LRP1B: variants seen among roughly 807,000 people sequenced by gnomAD.
LRP1B encodes LDL receptor related protein 1B.
LRP1B carries 217 observed loss-of-function variants against 556.6 expected under a neutral mutation model. The ratio of observed to expected loss-of-function variants is 0.39; its 90% CI spans 0.35 to 0.44. The LOEUF is 0.44. LRP1B is among the 20% of genes least tolerant of loss of function. LRP1B has a pLI of 1.00. For missense variants in LRP1B, 5,053 were observed against 5,620.8 expected, an observed-to-expected ratio of 0.90 and a Z score of 3.23; for synonymous variants, 2,047 against 1,865.8, an observed-to-expected ratio of 1.10 and a Z score of -2.50.
At chr2:140,519,741 C>T (rs1690075222) in intron 49 of LRP1B, among the ~76,000 whole-genome samples, 1 of 152,076 alleles carries the variant, frequency 6.6e-6, no homozygotes, top group African/African-American at 2.4e-5. Context: ...CCAGAATCTA[C>T]AAAGAACTCA....
In LRP1B at chr2:140,664,003, A is replaced by C. The variant is rs200051590; in HGVS notation, c.6799+36247T>G. 2.0e-5 allele frequency among the ~76,000 whole-genome samples: 3 copies of C among 152,134 alleles called. No individual in the cohort carries two copies. In the East Asian group the frequency reaches 5.8e-4, roughly 29 times the overall value. ...GAGGCCTGAAGACAGGGAAAGACAC[A>C]GGGAAGGACCGGCTGGTGGACCAAT... On this transcript the variant is annotated intron_variant, in intron 41 of 90. Transcript: ENST00000389484.
At chr2:140,731,809 A>G (rs1397880372) in intron 35 of LRP1B, among the ~76,000 whole-genome samples, 1 of 150,154 alleles carries the variant, frequency 6.7e-6, no homozygotes, top group African/African-American at 2.4e-5. Context: ...AACAATAGGC[A>G]TTTATTAAAC....
chr2:141,526,912 GT>G (rs1194152041), intron 2 of LRP1B, among the ~76,000 whole-genome samples: 1 of 151,974 alleles, frequency 6.6e-6, no homozygotes, highest in Non-Finnish European at 1.5e-5. Context: ...TACATTTTTG[GT>G]TTTTGAAAGG....
At chr2:141,525,544 T>G (rs1684668099) in intron 2 of LRP1B, among the ~76,000 whole-genome samples, 1 of 152,022 alleles carries the variant, frequency 6.6e-6, no homozygotes, top group East Asian at 1.9e-4. Context: ...TGTAAGACAC[T>G]CAGGGAACTT....
At chr2:140,671,249 G>A (rs1339428941) in intron 41 of LRP1B, among the ~76,000 whole-genome samples, 1 of 152,274 alleles carries the variant, frequency 6.6e-6, no homozygotes, top group East Asian at 1.9e-4. Flanking sequence ...GGCCGGGCGC[G>A]GTGGCTCACG....
intron 11 of LRP1B, among the ~76,000 whole-genome samples, chr2:141,034,540 G>A (rs1168932992): frequency 6.6e-6 from 1 of 152,010 alleles, no homozygotes; most frequent in African/African-American, 2.4e-5. Context: ...TCAAAAAGTG[G>A]GCGAAGGATA....
chr2:140,675,612 G>T (rs971312708), intron 41 of LRP1B, among the ~76,000 whole-genome samples: 1 of 151,852 alleles, frequency 6.6e-6, no homozygotes, highest in Admixed American at 6.6e-5. Flanking sequence ...CTCTACAAAA[G>T]TTAAAAAAAC....
At position 141,440,395 on chromosome 2, in the gene LRP1B, G is replaced by C. The variant is rs188410168; in HGVS notation, c.343+40001C>G. Among the ~76,000 whole-genome samples the C allele has an allele frequency of 5.3e-3, 809 of 152,312 alleles. 29 individuals are homozygous for C. Among genetic ancestry groups the C allele is most frequent in the Admixed American group, 0.05 (767 of 15,292 alleles). On this transcript the variant is annotated intron_variant, in intron 3 of 90. Transcript: ENST00000389484. ...TGAACTCCTAGTTGAAAATGGCCAC[G>C]CCCTGCCCTGCCCTGCGGACCGCAG...
At chr2:141,105,856 A>G (rs79929612) in intron 7 of LRP1B, among the ~76,000 whole-genome samples, 3,569 of 152,246 alleles carry the variant, frequency 0.023, 81 homozygotes, top group Non-Finnish European at 0.034. Context: ...GCATTTGTAT[A>G]TAAGTATTCA....
intron 51 of LRP1B, 131 bp from the exon 52 acceptor site, chr2:140,510,187 G>T: frequency 1.1e-6 from 1 of 885,856 alleles, no homozygotes; most frequent in Non-Finnish European, 1.7e-6. Context: ...TAGTTATTGG[G>T]AATCATTAAA....
chr2:140,938,509 A>G (rs1036803735), intron 20 of LRP1B, among the ~76,000 whole-genome samples: 3 of 152,092 alleles, frequency 2.0e-5, no homozygotes, highest in African/African-American at 7.2e-5. Flanking sequence ...TGAGTATGCA[A>G]TTGAGAGCAA....
intron 77 of LRP1B, among the ~76,000 whole-genome samples, chr2:140,349,320 T>C (rs1018565858): frequency 6.6e-6 from 1 of 152,144 alleles, no homozygotes; most frequent in Non-Finnish European, 1.5e-5. Context: ...TGCAGATATG[T>C]AAATTGCAAA....
At chr2:140,645,965 T>C (rs1684469264) in intron 41 of LRP1B, among the ~76,000 whole-genome samples, 1 of 152,126 alleles carries the variant, frequency 6.6e-6, no homozygotes, top group African/African-American at 2.4e-5. Context: ...GTTTCTTGTA[T>C]TATGTACCTT....
intron 14 of LRP1B, among the ~76,000 whole-genome samples, chr2:141,010,383 T>C (rs907120134): frequency 6.6e-6 from 1 of 152,072 alleles, no homozygotes; most frequent in African/African-American, 2.4e-5. Flanking sequence ...CAGTAATATA[T>C]GAGAAAAATA....
chr2:140,265,101 A>C (rs1466681085), intron 86 of LRP1B, among the ~76,000 whole-genome samples: 2 of 126,374 alleles, frequency 1.6e-5, no homozygotes, highest in East Asian at 2.6e-4. Context: ...GTAAGTTTAC[A>C]AAAAAAACCC....
rs187119599 is a variant in LRP1B at position 141,899,567 on chromosome 2, C to T, written c.83-89166G>A. ...TTTTGAAACATTTCCAATTATAACA[C>T]TCCTTTACAGGTATAAATTGGACTT... On this transcript the variant is annotated intron_variant, in intron 1 of 90. Transcript: ENST00000389484. 4.9e-4 allele frequency among the ~76,000 whole-genome samples: 74 copies of T among 152,218 alleles called. 1 individual carries two copies. The highest frequency in any genetic ancestry group is 1.7e-3 in the African/African-American group (72 of 41,554).
At chr2:141,620,287 G>T (rs79701424) in intron 2 of LRP1B, among the ~76,000 whole-genome samples, 4,083 of 152,284 alleles carry the variant, frequency 0.027, 93 homozygotes, top group African/African-American at 0.056. Flanking sequence ...TTCATAAAAG[G>T]GTTGTGAAGA....
intron 1 of LRP1B, among the ~76,000 whole-genome samples, chr2:141,975,183 T>C (rs1339253928): frequency 6.6e-6 from 1 of 152,038 alleles, no homozygotes; most frequent in Non-Finnish European, 1.5e-5. Flanking sequence ...TGAACTGTTG[T>C]GTCTGATACT....
At chr2:141,033,467 G>A (rs1698437832) in intron 11 of LRP1B, among the ~76,000 whole-genome samples, 1 of 151,832 alleles carries the variant, frequency 6.6e-6, no homozygotes, top group Non-Finnish European at 1.5e-5. Flanking sequence ...CCATTGATGT[G>A]TAACAATTGC....
Sources: allele counts gnomAD v4.1 joint callset (sites outside exome capture counted in the v4.1 genomes callset), GRCh38; gene constraint gnomAD v4.1.1; transcripts MANE v1.5; gene names NCBI Gene and HGNC (gene_info 2026-07-23, HGNC 2026-07-21).